SH3GLB2: variants seen among roughly 807,000 people sequenced by gnomAD.
SH3GLB2 encodes the protein SH3 domain containing GRB2 like, endophilin B2, also known as endophilin-B2.
In SH3GLB2, 24 loss-of-function variants were observed where a neutral mutation model predicts 48.0. That is an observed-to-expected ratio of 0.50 (90% CI 0.36 to 0.70). The LOEUF is 0.70. Among genes scored for constraint, SH3GLB2 ranks in the 30% least tolerant of loss-of-function variants. The probability of loss-of-function intolerance (pLI) is 0.00; values close to 1 mark genes in which losing one functional copy is unlikely to be tolerated. For missense variants in SH3GLB2, 425 were observed against 516.0 expected, an observed-to-expected ratio of 0.82 and a Z score of 1.71; for synonymous variants, 227 against 207.6, an observed-to-expected ratio of 1.09 and a Z score of -0.80.
chr9:129,010,809 G>T, intron 6 of SH3GLB2, 116 bp from the exon 7 acceptor site: 1 of 1,281,574 alleles, frequency 7.8e-7, no homozygotes, highest in Non-Finnish European at 1.1e-6. Flanking sequence ...CTGCCCCTCT[G>T]CCCCCCCTCC....
Position 129,007,832 on chromosome 9 carries a change from G to A in SH3GLB2, c.*852C>T, listed in dbSNP as rs1169756623. 2 of 152,174 alleles carry A rather than the reference G, an allele frequency of 1.3e-5. No homozygotes were observed. The highest frequency in any genetic ancestry group is 4.8e-5 in the African/African-American group (2 of 41,432). 9.4% of individuals were successfully genotyped at this position (152,174 alleles called of 1,614,324 possible). A position where few individuals can be genotyped will look rare whatever the true frequency, so the allele number is the denominator to read the frequency against. On this transcript the variant is annotated 3_prime_UTR_variant, in exon 11 of 11. Coordinates refer to ENST00000372564, the MANE Select transcript of SH3GLB2 (RefSeq NM_020145.4). The stretch of plus-strand genomic sequence containing the variant: ...CTTAGGAATAAAACGTTCCTTGTGC[G>A]GCTTCATGTCCAGGAACAGCACTGC...
intron 5 of SH3GLB2, chr9:129,012,923 G>A: frequency 6.6e-7 from 1 of 1,520,882 alleles, no homozygotes; most frequent in South Asian, 1.2e-5. Context: ...ATGCCCCAAG[G>A]ACGTGGGCTG....
At chr9:129,020,206 CAAAAAAAAAA>C (rs60400704) in intron 3 of SH3GLB2, among the ~76,000 whole-genome samples, 56 of 22,994 alleles carry the variant, frequency 2.4e-3, no homozygotes, top group African/African-American at 8.0e-3. Context: ...ACTCCATCTC[CAAAAAAAAAA>C]AAAAAAAAAA....
rs766697484 is a variant in SH3GLB2 at position 129,009,107 on chromosome 9, T to G, written c.1079A>C (p.Glu360Ala). 21 of 1,607,820 alleles carry G rather than the reference T, an allele frequency of 1.3e-5. No individual in the cohort carries two copies. The highest frequency in any genetic ancestry group is 1.8e-5 in the Non-Finnish European group (21 of 1,179,744). The change falls in exon 10 of 11, where the codon GAG becomes GCG. Residue 360 changes from glutamate to alanine, a missense_variant and splice_region_variant. Coordinates refer to ENST00000372564, the MANE Select transcript of SH3GLB2 (RefSeq NM_020145.4). ...DSSELALLAD[E>A]LITVYSLPGM... ...CCCACCTTGCGGCACCGGGCCCACC[T>G]CATCAGCCAGCAGGGCCAGCTCACT...
intron 3 of SH3GLB2, among the ~76,000 whole-genome samples, chr9:129,019,379 C>A (rs1232501608): frequency 6.6e-6 from 1 of 151,350 alleles, no homozygotes; most frequent in Non-Finnish European, 1.5e-5. Flanking sequence ...CAGAGCCAGA[C>A]CCTGTCTCAA....
intron 3 of SH3GLB2, among the ~76,000 whole-genome samples, chr9:129,017,151 T>C (rs1843480194): frequency 6.6e-6 from 1 of 151,964 alleles, no homozygotes; most frequent in East Asian, 1.9e-4. Flanking sequence ...GATTTCACCA[T>C]GTTGGCCAGG....
intron 2 of SH3GLB2, 27 bp downstream of exon 2, chr9:129,022,255 T>A: frequency 1.2e-6 from 2 of 1,609,882 alleles, no homozygotes; most frequent in Non-Finnish European, 1.7e-6. Flanking sequence ...ACTACATCCC[T>A]CCCCGGGCCC....
In SH3GLB2 at chr9:129,014,676, T is replaced by C. The variant is rs1843321153; in HGVS notation, c.468+95A>G. On this transcript the variant is annotated intron_variant, in intron 4 of 10. Coordinates refer to ENST00000372564, the MANE Select transcript of SH3GLB2 (RefSeq NM_020145.4). This position sits in a 1 kb window ranked among gnomAD's most constrained non-coding sequence, Gnocchi z 4.1. Reference sequence around the variant, plus strand: ...CTCTCTGGGGAGGCCTCAGGAGTTTTGTAGCCCCAGCACTGGAAGAGAGCC... The same window carrying C: ...CTCTCTGGGGAGGCCTCAGGAGTTTCGTAGCCCCAGCACTGGAAGAGAGCC... 2 of 1,547,498 alleles carry C rather than the reference T, an allele frequency of 1.3e-6. No individual in the cohort carries two copies. Among genetic ancestry groups the C allele is most frequent in the East Asian group, 2.3e-5 (1 of 44,294 alleles).
chr9:129,015,867 T>C, intron 3 of SH3GLB2: 1 of 333,480 alleles, frequency 3.0e-6, no homozygotes, highest in Non-Finnish European at 6.1e-6. Flanking sequence ...GATCCTGTCT[T>C]TAAAAAAAAG....
chr9:129,009,535 T>C, intron 9 of SH3GLB2, 189 bp from the exon 10 acceptor site: 1 of 1,547,656 alleles, frequency 6.5e-7, no homozygotes, highest in Non-Finnish European at 8.7e-7. Context: ...GTCCCTGCCA[T>C]CCTCCCCACC....
Position 129,008,586 on chromosome 9 carries a change from C to G in SH3GLB2, c.*98G>C. ...GACAGAATGGGGTGAATTCTCCCCA[C>G]TCTGAACAACTGTGTCACCAACAAA... On this transcript the variant is annotated 3_prime_UTR_variant, in exon 11 of 11. Coordinates refer to ENST00000372564, the MANE Select transcript of SH3GLB2 (RefSeq NM_020145.4). 1.1e-6 allele frequency: 1 copy of G among 934,208 alleles called. No homozygotes were observed. Among genetic ancestry groups the G allele is most frequent in the African/African-American group, 1.6e-5 (1 of 62,306 alleles). 57.9% of individuals were successfully genotyped at this position (934,208 alleles called of 1,614,324 possible).
At chr9:129,020,162 C>T (rs1247699811) in intron 3 of SH3GLB2, among the ~76,000 whole-genome samples, 41 of 137,932 alleles carry the variant, frequency 3.0e-4, no homozygotes, top group Middle Eastern at 4.1e-3. Context: ...GCTGAGATTG[C>T]GCCACTGCAC....
chr9:129,028,062 C>A, intron 1 of SH3GLB2, 30 bp downstream of exon 1: 2 of 1,496,956 alleles, frequency 1.3e-6, no homozygotes, highest in Non-Finnish European at 1.8e-6. Flanking sequence ...CATCCGGGCC[C>A]CCGGCGCACG....
intron 2 of SH3GLB2, 33 bp downstream of exon 2, chr9:129,022,249 C>T: frequency 6.2e-7 from 1 of 1,609,080 alleles, no homozygotes; most frequent in Non-Finnish European, 8.5e-7. Context: ...CCCACGACTA[C>T]ATCCCTCCCC....
rs1564576671 is a variant in SH3GLB2 at position 129,011,640 on chromosome 9, C to G, written c.624+596G>C. ...CCAAGAAAGCCTAAAAACCAACAGA[C>G]ACCATGACATGCGAAGCCTCCACGA... is the stretch of plus-strand genomic sequence containing the variant. On this transcript the variant is annotated intron_variant, in intron 6 of 10. Coordinates refer to ENST00000372564, the MANE Select transcript of SH3GLB2 (RefSeq NM_020145.4). The surrounding 1 kb of genome is among the most constrained non-coding windows in gnomAD (Gnocchi z 4.5). 6.5e-6 allele frequency: 1 copy of G among 153,128 alleles called. No individual in the cohort carries two copies. Among genetic ancestry groups the G allele is most frequent in the Admixed American group, 6.5e-5 (1 of 15,296 alleles). The allele number at this position is 153,128 out of a possible 1,614,324, so 9.5% of individuals were successfully genotyped here. A position where few individuals can be genotyped will look rare whatever the true frequency, so the allele number is the denominator to read the frequency against.
Position 129,009,854 on chromosome 9 carries a change from G to A in SH3GLB2, c.756C>T (p.Cys252=), listed in dbSNP as rs1241912492. The change falls in exon 9 of 11, where the codon TGC becomes TGT. Residue 252 remains cysteine (C), a synonymous_variant. Coordinates refer to ENST00000372564, the MANE Select transcript of SH3GLB2 (RefSeq NM_020145.4). ...ISSTHVNHLR[C]LHEFVKSQTT... ...TCTGAGACTTGACGAACTCGTGGAGGCAGCGCAGGTGGTTCACCTGCGGGG... is the reference window on the plus strand; with the variant it reads ...TCTGAGACTTGACGAACTCGTGGAGACAGCGCAGGTGGTTCACCTGCGGGG... 5.0e-6 allele frequency: 8 copies of A among 1,613,872 alleles called. No homozygotes were observed. The highest frequency in any genetic ancestry group is 2.2e-5 in the East Asian group (1 of 44,864).
chr9:129,028,321 C>T lies in SH3GLB2; in HGVS notation c.-167G>A, dbSNP rs1844294105. On this transcript the variant is annotated 5_prime_UTR_variant, in exon 1 of 11. Transcript: ENST00000372564. Reference sequence around the variant, plus strand: ...GCCCGCCGCAGCCGCCGAGCCAGCCCGAGCGCGCAGGGCGGGGCGCGGAGG... The same window carrying T: ...GCCCGCCGCAGCCGCCGAGCCAGCCTGAGCGCGCAGGGCGGGGCGCGGAGG... The T allele has an allele frequency of 6.8e-6, 2 of 293,116 alleles. No homozygotes were observed. Among genetic ancestry groups the T allele is most frequent in the African/African-American group, 2.3e-5 (1 of 43,390 alleles). The allele number at this position is 293,116 out of a possible 1,614,324, so 18.2% of individuals were successfully genotyped here. A position where few individuals can be genotyped will look rare whatever the true frequency, so the allele number is the denominator to read the frequency against.
intron 3 of SH3GLB2, among the ~76,000 whole-genome samples, chr9:129,017,416 G>A (rs1843494370): frequency 6.6e-6 from 1 of 152,152 alleles, no homozygotes; most frequent in South Asian, 2.1e-4. Context: ...TCCCCAGATA[G>A]ACCATATACT....
intron 5 of SH3GLB2, chr9:129,013,360 G>C: frequency 2.7e-6 from 1 of 368,242 alleles, no homozygotes; most frequent in Non-Finnish European, 5.1e-6. Flanking sequence ...GGCTCCTCTG[G>C]CCTGGCTGAT....
Sources: gnomAD v4.1 joint callset for allele counts (sites outside exome capture counted in the v4.1 genomes callset) on GRCh38, gnomAD v4.1.1 for gene constraint, Gnocchi (gnomAD v3.1) non-coding constraint, MANE v1.5 for transcripts, NCBI Gene and HGNC (gene_info 2026-07-23, HGNC 2026-07-21) for gene names.